The following FBXL13 variants were observed in gnomAD, a reference collection of about 807,000 sequenced individuals.
FBXL13 encodes the protein F-box and leucine-rich repeat protein 13.
A neutral mutation model predicts 83.6 loss-of-function variants in FBXL13; 67 were observed. That is an observed-to-expected ratio of 0.80 (90% confidence interval 0.66 to 0.98). The LOEUF is 0.98. Among genes scored for constraint, FBXL13 ranks in the 50% least tolerant of loss-of-function variants. The probability of loss-of-function intolerance (pLI) is 0.00; values close to 1 mark genes in which losing one functional copy is unlikely to be tolerated. For missense variants in FBXL13, 822 were observed against 866.5 expected (o/e 0.95, Z 0.64); for synonymous variants, 272 against 299.5 (o/e 0.91, Z 0.95).
intron 1 of FBXL13, among the ~76,000 whole-genome samples, chr7:103,071,696 G>C (rs1798976987): frequency 6.6e-6 from 1 of 151,674 alleles, no homozygotes; most frequent in South Asian, 2.1e-4. Context: ...AGCCAGGCCT[G>C]ATTTTTAAAA....
rs144715456 is a variant in FBXL13, at chr7:102,979,049, C to T, written c.496-10932G>A. ...GATAGGTAATTTTACCCTTCACTTACTTTACAAACATTTTACTTTCCACCT... is the reference window on the plus strand; with the variant it reads ...GATAGGTAATTTTACCCTTCACTTATTTTACAAACATTTTACTTTCCACCT... On this transcript the variant is annotated intron_variant, in intron 6 of 19. Transcript: ENST00000313221. 4.1e-3 allele frequency among the ~76,000 whole-genome samples: 631 copies of T among 152,342 alleles called. 5 individuals carry two copies. The highest frequency in any genetic ancestry group is 0.015 in the African/African-American group (606 of 41,576).
chr7:102,937,987 A>G (rs1820664029), intron 8 of FBXL13, among the ~76,000 whole-genome samples: 1 of 152,246 alleles, frequency 6.6e-6, no homozygotes, highest in Non-Finnish European at 1.5e-5. Flanking sequence ...TCAACCACAC[A>G]GACCTCAATG....
chr7:102,913,142 T>G (rs1563080751), exon 11 of FBXL13: 1 of 1,614,154 alleles, frequency 6.2e-7, no homozygotes, highest in African/African-American at 1.3e-5. Flanking sequence ...TTCCCCAAGT[T>G]CAGGTACTGT....
chr7:103,048,898 CAT>C (rs1796541960), intron 2 of FBXL13, among the ~76,000 whole-genome samples: 1 of 152,192 alleles, frequency 6.6e-6, no homozygotes. Flanking sequence ...TTACCAAAAA[CAT>C]GTTTCATTCT....
At chr7:102,870,249 AATATACAG>A (rs1808345436) in intron 16 of FBXL13, among the ~76,000 whole-genome samples, 1 of 152,238 alleles carries the variant, frequency 6.6e-6, no homozygotes, top group Non-Finnish European at 1.5e-5. Flanking sequence ...TGGCAGAGAT[AATATACAG>A]CACATTAGGA....
upstream of FBXL13, chr7:103,074,720 C>A: frequency 7.8e-7 from 1 of 1,289,850 alleles, no homozygotes; most frequent in Non-Finnish European, 1.0e-6. Flanking sequence ...GAATGTAGTT[C>A]TCCTTGAAGT....
chr7:102,939,659 A>G (rs192563448), intron 8 of FBXL13: 15 of 1,308,550 alleles, frequency 1.1e-5, no homozygotes, highest in African/African-American at 7.4e-5. Flanking sequence ...ACACTTATAT[A>G]CAGTAAATTC....
chr7:102,916,657 G>A (rs551969644), intron 10 of FBXL13, among the ~76,000 whole-genome samples: 97 of 152,256 alleles, frequency 6.4e-4, no homozygotes, highest in African/African-American at 2.1e-3. Context: ...GCAAAGACGC[G>A]TGTCCCCTAC....
chr7:103,027,470 A>G, exon 5 of FBXL13: 1 of 1,610,534 alleles, frequency 6.2e-7, no homozygotes, highest in South Asian at 1.1e-5. Flanking sequence ...CTTTCTTTTT[A>G]CTCTTATGTC....
At chr7:103,036,345 T>C (rs937063384) in intron 2 of FBXL13, among the ~76,000 whole-genome samples, 2 of 148,416 alleles carry the variant, frequency 1.3e-5, no homozygotes, top group Non-Finnish European at 3.0e-5. Flanking sequence ...CCAACTCAGA[T>C]TTTTTTTTTA....
chr7:102,883,898 G>A (rs979511013), intron 12 of FBXL13, among the ~76,000 whole-genome samples: 11 of 152,120 alleles, frequency 7.2e-5, no homozygotes, highest in African/African-American at 2.7e-4. Context: ...TAAGAGTATG[G>A]GAAAATATGA....
chr7:103,030,591 A>C (rs1435187132), intron 2 of FBXL13, among the ~76,000 whole-genome samples: 1 of 152,200 alleles, frequency 6.6e-6, no homozygotes, highest in African/African-American at 2.4e-5. Flanking sequence ...TTTTTAGATG[A>C]TATTACCTGA....
At position 102,951,375 on chromosome 7, in the gene FBXL13, C is replaced by CTAAATAAA. The variant is rs71106701; in HGVS notation, c.724+12150_724+12157dup. 2.7e-3 allele frequency among the ~76,000 whole-genome samples: 356 copies of CTAAATAAA among 133,946 alleles called. 5 individuals carry two copies. The highest frequency in any genetic ancestry group is 6.5e-3 in the African/African-American group (233 of 35,900). 87.9% of individuals were successfully genotyped at this position (133,946 alleles called of 152,430 possible). A position where few individuals can be genotyped will look rare whatever the true frequency, so the allele number is the denominator to read the frequency against. Reference sequence around the variant, plus strand: ...TGGGCAACAGAGCGAGACTCCATCTCTAAATAAATAAATAAATAAATAAAT... The same window carrying CTAAATAAA: ...TGGGCAACAGAGCGAGACTCCATCTCTAAATAAATAAATAAATAAATAAATAAATAAAT... On this transcript the variant is annotated intron_variant, in intron 8 of 19. Coordinates refer to ENST00000313221, the Ensembl canonical transcript of FBXL13.
downstream of FBXL13, among the ~76,000 whole-genome samples, chr7:102,813,044 T>G (rs947482555): frequency 3.3e-5 from 5 of 152,096 alleles, no homozygotes; most frequent in African/African-American, 1.2e-4. Context: ...GGTTTCACCA[T>G]GTTGGCCAGG....
At chr7:102,867,693 ATATTTTTT>A (rs1485860548) in intron 16 of FBXL13, among the ~76,000 whole-genome samples, 199 of 66,392 alleles carry the variant, frequency 3.0e-3, no homozygotes, top group South Asian at 0.018. Flanking sequence ...ATATATATAT[ATATTTTTT>A]TTTTTTTTTT....
At chr7:102,945,181 C>G (rs567638681) in intron 8 of FBXL13, among the ~76,000 whole-genome samples, 1 of 152,156 alleles carries the variant, frequency 6.6e-6, no homozygotes, top group East Asian at 1.9e-4. Flanking sequence ...CAAGCTAGAC[C>G]TGAAAGGGAA....
At chr7:103,019,184 C>T (rs1267364330) in intron 6 of FBXL13, among the ~76,000 whole-genome samples, 5 of 152,166 alleles carry the variant, frequency 3.3e-5, no homozygotes, top group African/African-American at 1.2e-4. Flanking sequence ...CAAAACCGCT[C>T]AACTACATGG....
intron 2 of FBXL13, among the ~76,000 whole-genome samples, chr7:103,035,219 C>T (rs1794957579): frequency 5.3e-5 from 8 of 152,174 alleles, no homozygotes. Context: ...TTAGGAAGAC[C>T]AGGTTGGCAG....
At chr7:102,841,796 T>C (rs1802982287) in intron 17 of FBXL13, among the ~76,000 whole-genome samples, 1 of 152,230 alleles carries the variant, frequency 6.6e-6, no homozygotes. Context: ...CCAGGTGTCT[T>C]GGGTCTCCAG....
Sources: gnomAD v4.1 joint callset for allele counts (sites outside exome capture counted in the v4.1 genomes callset) on GRCh38, gnomAD v4.1.1 for gene constraint, MANE v1.5 for transcripts, NCBI Gene and HGNC (gene_info 2026-07-23, HGNC 2026-07-21) for gene names.